VAV3: variants seen among roughly 807,000 people sequenced by gnomAD.
VAV3 encodes the protein vav guanine nucleotide exchange factor 3.
VAV3 carries 94 observed loss-of-function variants against 131.2 expected under a neutral mutation model. The ratio of observed to expected loss-of-function variants is 0.72; its 90% CI spans 0.61 to 0.85. VAV3 has a LOEUF of 0.85. Ranked by LOEUF, VAV3 falls within the 40% of genes least tolerant of loss-of-function variation. The pLI, the probability that VAV3 is intolerant of heterozygous loss-of-function variation, is 0.00. For missense variants in VAV3, 939 were observed against 1,002.7 expected, an observed-to-expected ratio of 0.94 and a Z score of 0.86; for synonymous variants, 349 against 342.0, an observed-to-expected ratio of 1.02 and a Z score of -0.22.
chr1:107,756,704 T>C (rs567336500), intron 11 of VAV3, among the ~76,000 whole-genome samples: 1 of 152,140 alleles, frequency 6.6e-6, no homozygotes, highest in Admixed American at 6.5e-5. Context: ...AAAATGTCTG[T>C]CTTTTCTATT....
chr1:107,899,803 G>C (rs1671772034), intron 1 of VAV3, among the ~76,000 whole-genome samples: 1 of 152,136 alleles, frequency 6.6e-6, no homozygotes. Context: ...TGGTGAATTA[G>C]GTTTTGAAAG....
chr1:107,721,982 G>A (rs1661529871), intron 15 of VAV3, among the ~76,000 whole-genome samples: 1 of 152,174 alleles, frequency 6.6e-6, no homozygotes, highest in African/African-American at 2.4e-5. Context: ...GCAGATGAAG[G>A]CAAGTATTAA....
At chr1:107,669,446 T>C (rs1657627658) in intron 19 of VAV3, 1 of 1,289,434 alleles carries the variant, frequency 7.8e-7, no homozygotes, top group Non-Finnish European at 1.0e-6. Flanking sequence ...GCCATGGAAA[T>C]AAAGAAATGA....
chr1:107,603,012 A>C (rs775263411), intron 23 of VAV3, 35 bp downstream of exon 23: 2 of 1,550,382 alleles, frequency 1.3e-6, no homozygotes, highest in South Asian at 2.3e-5. Context: ...TGAAAACAGG[A>C]AATCTATTTC....
chr1:107,951,950 C>G (rs889171439), intron 1 of VAV3, among the ~76,000 whole-genome samples: 1 of 152,120 alleles, frequency 6.6e-6, no homozygotes, highest in African/African-American at 2.4e-5. Context: ...TACCATTTGA[C>G]CCAGCAATCC....
intron 1 of VAV3, among the ~76,000 whole-genome samples, chr1:107,946,016 G>A (rs193084187): frequency 6.6e-6 from 1 of 152,210 alleles, no homozygotes; most frequent in African/African-American, 2.4e-5. Context: ...AGGGAGTTGA[G>A]GCTGGGGAGG....
intron 17 of VAV3, among the ~76,000 whole-genome samples, chr1:107,697,853 GC>G (rs554228971): frequency 1.4e-3 from 220 of 152,178 alleles, no homozygotes; most frequent in African/African-American, 5.1e-3. Context: ...AAAGTGTTCT[GC>G]CTAAAAAACC....
At chr1:107,873,694 C>G (rs1260273421) in intron 2 of VAV3, among the ~76,000 whole-genome samples, 1 of 152,126 alleles carries the variant, frequency 6.6e-6, no homozygotes, top group Non-Finnish European at 1.5e-5. Flanking sequence ...GACCTCAAGA[C>G]AGTTAAATCA....
intron 2 of VAV3, among the ~76,000 whole-genome samples, chr1:107,787,384 G>A (rs1335114087): frequency 1.3e-5 from 2 of 152,160 alleles, no homozygotes; most frequent in Non-Finnish European, 2.9e-5. Context: ...ACAATGAAGG[G>A]TACTGAGGGA....
chr1:107,589,793 C>CT (rs1650797943), intron 25 of VAV3, among the ~76,000 whole-genome samples: 1 of 151,802 alleles, frequency 6.6e-6, no homozygotes, highest in African/African-American at 2.4e-5. Context: ...AAGGGAGAAA[C>CT]TAAGTTAAGT....
At chr1:107,808,863 T>G (rs78788276) in intron 2 of VAV3, among the ~76,000 whole-genome samples, 3 of 152,108 alleles carry the variant, frequency 2.0e-5, no homozygotes, top group East Asian at 1.9e-4. Context: ...TATCAAAATA[T>G]TTATCCATAT....
In VAV3 at chr1:107,932,431, CTT is replaced by C. The variant is rs1673485708; in HGVS notation, c.204+32233_204+32234del. Among the ~76,000 whole-genome samples the C allele has an allele frequency of 2.0e-5, 3 of 152,240 alleles. No homozygotes were observed. The South Asian group carries it at 6.2e-4, about 32-fold the overall frequency. The stretch of plus-strand genomic sequence containing the variant: ...AGAGACTATGCAGAAACATGTGAGA[CTT>C]CAGGTGATTTGATGGGAACAAAGCA... On this transcript the variant is annotated intron_variant, in intron 1 of 26. Coordinates refer to ENST00000370056, the MANE Select transcript of VAV3 (RefSeq NM_006113.5).
chr1:107,864,755 T>C (rs1669900821), intron 2 of VAV3, among the ~76,000 whole-genome samples: 3 of 152,250 alleles, frequency 2.0e-5, no homozygotes, highest in African/African-American at 7.2e-5. Flanking sequence ...CATTGTTCTC[T>C]GTTTCTTTCC....
intron 15 of VAV3, among the ~76,000 whole-genome samples, chr1:107,720,437 C>T (rs1177165953): frequency 9.6e-6 from 1 of 104,534 alleles, no homozygotes; most frequent in Non-Finnish European, 1.9e-5. Context: ...ATAAAAGTTC[C>T]ATCTGTTAAT....
At chr1:107,959,029 A>G (rs1674955648) in intron 1 of VAV3, among the ~76,000 whole-genome samples, 2 of 152,182 alleles carry the variant, frequency 1.3e-5, no homozygotes, top group African/African-American at 2.4e-5. Flanking sequence ...CGGGAGGCCA[A>G]GGCGGCCTGA....
At chr1:107,959,069 T>C (rs1018158672) in intron 1 of VAV3, among the ~76,000 whole-genome samples, 3 of 151,858 alleles carry the variant, frequency 2.0e-5, no homozygotes, top group African/African-American at 4.8e-5. Flanking sequence ...TGAGACCAGA[T>C]TGGCCAACAA....
intron 2 of VAV3, among the ~76,000 whole-genome samples, chr1:107,855,068 T>C (rs1290323454): frequency 1.3e-5 from 2 of 152,284 alleles, no homozygotes; most frequent in African/African-American, 2.4e-5. Context: ...AATGTTTTTA[T>C]GGGCCAGGTC....
intron 2 of VAV3, among the ~76,000 whole-genome samples, chr1:107,839,872 G>A (rs777026737): frequency 6.6e-6 from 1 of 152,002 alleles, no homozygotes; most frequent in African/African-American, 2.4e-5. Context: ...ACACTGAAAC[G>A]ATAACAAGGG....
chr1:107,761,171 C>T (rs1207957886), intron 9 of VAV3, among the ~76,000 whole-genome samples: 1 of 152,068 alleles, frequency 6.6e-6, no homozygotes, highest in Non-Finnish European at 1.5e-5. Flanking sequence ...GGGCAGATCA[C>T]AAGGTCAGGA....
Sources: allele counts gnomAD v4.1 joint callset (sites outside exome capture counted in the v4.1 genomes callset), GRCh38; gene constraint gnomAD v4.1.1; transcripts MANE v1.5; gene names NCBI Gene and HGNC (gene_info 2026-07-23, HGNC 2026-07-21).